The following CABLES1 variants were observed in gnomAD, a reference collection of about 807,000 sequenced individuals.
The protein encoded by CABLES1 is CDK5 and ABL1 enzyme substrate 1.
CABLES1 carries 36 observed loss-of-function variants against 57.8 expected under a neutral mutation model. That is an observed-to-expected ratio of 0.62 (90% CI 0.48 to 0.82). CABLES1 has a LOEUF of 0.82. Ranked by LOEUF, CABLES1 falls within the 40% of genes least tolerant of loss-of-function variation. The probability of loss-of-function intolerance (pLI) is 0.00; values close to 1 mark genes in which losing one functional copy is unlikely to be tolerated. For missense variants in CABLES1, 767 were observed against 836.6 expected, an observed-to-expected ratio of 0.92 and a Z score of 1.03; for synonymous variants, 374 against 363.0, an observed-to-expected ratio of 1.03 and a Z score of -0.35.
chr18:23,146,824 ACT>A (rs1032892787), intron 1 of CABLES1, among the ~76,000 whole-genome samples: 2 of 152,142 alleles, frequency 1.3e-5, no homozygotes, highest in African/African-American at 4.8e-5. Context: ...CAAAACAAAA[ACT>A]CTATCGTAGC....
intron 1 of CABLES1, among the ~76,000 whole-genome samples, chr18:23,151,242 T>C (rs1350602280): frequency 6.6e-6 from 1 of 152,026 alleles, no homozygotes; most frequent in Non-Finnish European, 1.5e-5. Flanking sequence ...ATGGTCTCGA[T>C]CTCTTGACCT....
intron 4 of CABLES1, among the ~76,000 whole-genome samples, chr18:23,228,118 G>A (rs184509176): frequency 6.6e-6 from 1 of 152,118 alleles, no homozygotes; most frequent in East Asian, 1.9e-4. Flanking sequence ...TTTTAAGAGA[G>A]TAATATTAAT....
chr18:23,155,852 G>A, intron 1 of CABLES1: 3 of 1,612,314 alleles, frequency 1.9e-6, no homozygotes, highest in Non-Finnish European at 8.5e-7. Context: ...GTGTTTGAAT[G>A]ACTCATAAAA....
chr18:23,188,673 T>C (rs781481499), intron 1 of CABLES1, among the ~76,000 whole-genome samples, 165 bp from the exon 2 acceptor site: 2 of 152,198 alleles, frequency 1.3e-5, no homozygotes, highest in African/African-American at 2.4e-5. Context: ...AAGATGGGCC[T>C]GGCGTGCAGG....
intron 1 of CABLES1, among the ~76,000 whole-genome samples, chr18:23,183,119 C>T (rs1488534318): frequency 6.6e-6 from 1 of 152,186 alleles, no homozygotes; most frequent in Non-Finnish European, 1.5e-5. Context: ...GGATGGTTGG[C>T]CTCTCTTCCT....
chr18:23,179,810 C>T (rs756784515), intron 1 of CABLES1, among the ~76,000 whole-genome samples: 2 of 152,254 alleles, frequency 1.3e-5, no homozygotes, highest in African/African-American at 2.4e-5. Flanking sequence ...GGCCGTTTTG[C>T]TTTAAGGGTC....
chr18:23,248,981 G>A (rs1242603780), intron 7 of CABLES1, among the ~76,000 whole-genome samples: 2 of 152,254 alleles, frequency 1.3e-5, no homozygotes, highest in South Asian at 4.1e-4. Context: ...CTGGGACCAG[G>A]ACTCTGGCTT....
intron 4 of CABLES1, among the ~76,000 whole-genome samples, chr18:23,222,907 A>C (rs949285085): frequency 2.0e-5 from 3 of 152,166 alleles, no homozygotes; most frequent in Non-Finnish European, 4.4e-5. Flanking sequence ...GTCGAGCTGC[A>C]CCCAGATGCA....
At chr18:23,241,508 C>T (rs1178398552) in intron 7 of CABLES1, among the ~76,000 whole-genome samples, 1 of 152,024 alleles carries the variant, frequency 6.6e-6, no homozygotes, top group Non-Finnish European at 1.5e-5. Flanking sequence ...TCAGCCTGGG[C>T]GACAAGCGAA....
chr18:23,147,853 G>A (rs995237379), intron 1 of CABLES1, among the ~76,000 whole-genome samples: 1 of 152,134 alleles, frequency 6.6e-6, no homozygotes, highest in African/African-American at 2.4e-5. Flanking sequence ...GGGTCCCGCA[G>A]CCCACGTGGG....
intron 7 of CABLES1, among the ~76,000 whole-genome samples, chr18:23,252,064 C>A (rs1307104509): frequency 7.8e-5 from 11 of 141,474 alleles, no homozygotes; most frequent in African/African-American, 2.6e-5. Flanking sequence ...CCAGCCTGGG[C>A]AACAAAGTGA....
At chr18:23,188,502 G>A (rs1308705822) in intron 1 of CABLES1, among the ~76,000 whole-genome samples, 1 of 151,688 alleles carries the variant, frequency 6.6e-6, no homozygotes, top group African/African-American at 2.4e-5. Flanking sequence ...GCTGCACACA[G>A]CGCTCAAGTT....
intron 1 of CABLES1, among the ~76,000 whole-genome samples, chr18:23,150,613 C>A (rs1343927048): frequency 6.6e-6 from 1 of 152,094 alleles, no homozygotes; most frequent in Non-Finnish European, 1.5e-5. Flanking sequence ...GGGGTGGGAC[C>A]CCTGCCACCA....
intron 1 of CABLES1, among the ~76,000 whole-genome samples, chr18:23,168,595 A>C (rs1404132462): frequency 6.6e-6 from 1 of 152,228 alleles, no homozygotes; most frequent in African/African-American, 2.4e-5. Flanking sequence ...GTATACTCTT[A>C]AAATGGTAGA....
chr18:23,149,808 C>T (rs960265264), intron 1 of CABLES1: 12 of 152,234 alleles, frequency 7.9e-5, no homozygotes, highest in Non-Finnish European at 1.0e-4. Context: ...TTGCGCCTGT[C>T]GCCCGTTCAG....
At chr18:23,151,485 C>T (rs1453362447) in intron 1 of CABLES1, among the ~76,000 whole-genome samples, 3 of 152,120 alleles carry the variant, frequency 2.0e-5, no homozygotes, top group East Asian at 1.9e-4. Context: ...ATGGCAGGTG[C>T]GTCTTGGAGG....
chr18:23,187,777 G>A (rs1393729384), intron 1 of CABLES1, among the ~76,000 whole-genome samples: 1 of 152,098 alleles, frequency 6.6e-6, no homozygotes, highest in Non-Finnish European at 1.5e-5. Context: ...CTACAAAAAT[G>A]ACCTTTCTGA....
At chr18:23,219,122 T>G in intron 4 of CABLES1, 1 of 452,438 alleles carries the variant, frequency 2.2e-6, no homozygotes. Context: ...TACAGCAGAA[T>G]TCACTCACCT....
intron 6 of CABLES1, among the ~76,000 whole-genome samples, chr18:23,236,301 T>C (rs1016243063): frequency 2.0e-5 from 3 of 152,162 alleles, no homozygotes; most frequent in African/African-American, 7.2e-5. Context: ...GTGCACACCA[T>C]GTAGAGATGG....
Sources: allele counts gnomAD v4.1 joint callset (sites outside exome capture counted in the v4.1 genomes callset), GRCh38; gene constraint gnomAD v4.1.1; transcripts MANE v1.5; gene names NCBI Gene and HGNC (gene_info 2026-07-23, HGNC 2026-07-21).